Variants in GRIPAP1 observed in about 807,000 individuals in gnomAD.
The protein encoded by GRIPAP1 is GRIP1 associated protein 1, also known as GRIP1-associated protein 1.
A neutral mutation model predicts 84.1 loss-of-function variants in GRIPAP1; 14 were observed. That is an observed-to-expected ratio of 0.17 (90% CI 0.11 to 0.26). The LOEUF (loss-of-function observed/expected upper bound fraction) is 0.26, where lower values mean the gene tolerates loss of function less well. Among genes scored for constraint, GRIPAP1 ranks in the 10% least tolerant of loss-of-function variants. The probability of loss-of-function intolerance (pLI) is 1.00; values close to 1 mark genes in which losing one functional copy is unlikely to be tolerated. For synonymous variants in GRIPAP1, 261 were observed against 256.8 expected, an observed-to-expected ratio of 1.02 and a Z score of -0.15; for missense variants, 518 against 674.2, an observed-to-expected ratio of 0.77 and a Z score of 2.57.
intron 5 of GRIPAP1, among the ~76,000 whole-genome samples, chrX:48,996,936 C>A (rs2064550010): frequency 9.0e-6 from 1 of 111,442 alleles, no homozygotes; most frequent in African/African-American, 3.3e-5. Context: ...AGAACTCTGC[C>A]TAAAACCCCC....
At chrX:48,980,602 G>A (rs1369904617) in intron 21 of GRIPAP1, among the ~76,000 whole-genome samples, 1 of 110,486 alleles carries the variant, frequency 9.1e-6, no homozygotes, top group Non-Finnish European at 1.9e-5. Flanking sequence ...AAAGGGCGGG[G>A]GCCGGGCCCA....
At chrX:48,993,949 T>A (rs139182475) in intron 5 of GRIPAP1, among the ~76,000 whole-genome samples, 29 of 111,221 alleles carry the variant, frequency 2.6e-4, no homozygotes, top group African/African-American at 9.5e-4. Context: ...GGCTGGATCC[T>A]GGGCCCAGAG....
At position 48,985,255 on chromosome X, in the gene GRIPAP1, C is replaced by T. The variant is rs1557063418; in HGVS notation, c.1176+13G>A. The stretch of plus-strand genomic sequence containing the variant: ...GGAACTAGGAAGAGACAGGCCAGAG[C>T]CAAAGGTGTTACCTGGAGCTGGGAG... On this transcript the variant is annotated intron_variant, in intron 14 of 25. Transcript: ENST00000376423. 8.3e-7 allele frequency: 1 copy of T among 1,204,336 alleles called. No homozygotes were observed. The highest frequency in any genetic ancestry group is 1.8e-5 in the South Asian group (1 of 56,737).
chrX:48,986,137 A>G (rs1157651846), intron 13 of GRIPAP1, among the ~76,000 whole-genome samples: 1 of 104,539 alleles, frequency 9.6e-6, no homozygotes, highest in East Asian at 3.2e-4. Flanking sequence ...GCTATTTGGG[A>G]GGGCTGAGGC....
chrX:48,989,572 G>T, intron 11 of GRIPAP1, 39 bp downstream of exon 11: 2 of 903,847 alleles, frequency 2.2e-6, no homozygotes, highest in Non-Finnish European at 1.6e-6. Context: ...CCCAGTCCTG[G>T]CCCCTACCCC....
At chrX:48,998,113 G>A (rs2064557458) in intron 4 of GRIPAP1, 41 bp downstream of exon 4, 10 of 1,065,164 alleles carry the variant, frequency 9.4e-6, no homozygotes, top group Non-Finnish European at 1.3e-5. Context: ...AGCCCACCAA[G>A]ACATCTCCCA....
chrX:48,996,258 C>T (rs58495786), intron 5 of GRIPAP1, among the ~76,000 whole-genome samples: 2,766 of 111,771 alleles, frequency 0.025, 81 homozygotes, highest in African/African-American at 0.084. Context: ...AGGTTATTTT[C>T]GGTTTTGTTT....
At chrX:48,981,908 C>T (rs1261878323) in intron 17 of GRIPAP1, 36 bp from the exon 18 acceptor site, 6 of 994,167 alleles carry the variant, frequency 6.0e-6, no homozygotes, top group Non-Finnish European at 8.3e-6. Flanking sequence ...CACAGCCCCC[C>T]AGAAGGTATC....
In GRIPAP1 at chrX:48,981,234, A is replaced by G. The variant is rs782191144; in HGVS notation, c.1911T>C (p.Thr637=). ...KLQERLQDIL[T]NSKSRSGLEE... is the part of the protein sequence containing the mutation. ...CCTCACCTGAGCGGCTCTTGCTGTT[A>G]GTGAGGATGTCCTGCAGTCGCTCCT... The change falls in exon 21 of 26, where the codon ACT becomes ACC. Residue 637 remains threonine (T), a synonymous_variant. Coordinates refer to ENST00000376423, the MANE Select transcript of GRIPAP1 (RefSeq NM_020137.5). 7.5e-6 allele frequency: 9 copies of G among 1,206,574 alleles called. No homozygotes were observed. In the Admixed American group the frequency reaches 1.7e-4, roughly 23 times the overall value.
chrX:48,991,574 C>T (rs782706723), intron 6 of GRIPAP1, among the ~76,000 whole-genome samples: 56 of 112,662 alleles, frequency 5.0e-4, no homozygotes, highest in Non-Finnish European at 9.2e-4. Flanking sequence ...GGCACGGTGG[C>T]TCACGCCTGT....
chrX:48,995,222 C>A (rs2064541240), intron 5 of GRIPAP1, among the ~76,000 whole-genome samples: 1 of 112,076 alleles, frequency 8.9e-6, no homozygotes, highest in Admixed American at 9.5e-5. Context: ...TGTAGGAAGT[C>A]TCTACGACTA....
At chrX:48,999,191 G>A (rs782567483) in intron 3 of GRIPAP1, 47 bp downstream of exon 3, 4 of 998,619 alleles carry the variant, frequency 4.0e-6, no homozygotes, top group Non-Finnish European at 5.7e-6. Flanking sequence ...CAGATAGGTA[G>A]AAGCAAGGGT....
Position 48,989,688 on chromosome X carries a change from G to T in GRIPAP1, c.793C>A (p.Gln265Lys). 2 of 1,202,989 alleles carry T rather than the reference G, an allele frequency of 1.7e-6. No homozygotes were observed. Among genetic ancestry groups the T allele is most frequent in the Non-Finnish European group, 2.3e-6 (2 of 887,378 alleles). ...DSRNKIEELQQRKEADHKAQL... is the reference protein window; with the variant it reads ...DSRNKIEELQKRKEADHKAQL... Reference sequence around the variant, plus strand: ...GCTTTGTGATCAGCTTCCTTCCGTTGTTGTAATTCCTCAATCTTGTTCCTA... The same window carrying T: ...GCTTTGTGATCAGCTTCCTTCCGTTTTTGTAATTCCTCAATCTTGTTCCTA... The change falls in exon 11 of 26, where the codon CAA (glutamine) becomes AAA (lysine). Residue 265 changes from glutamine to lysine, a missense_variant. This residue lies in a region of GRIPAP1 where 372 missense variants were observed against 458.1 expected (regional missense o/e 0.81). Coordinates refer to ENST00000376423, the MANE Select transcript of GRIPAP1 (RefSeq NM_020137.5).
intron 14 of GRIPAP1, among the ~76,000 whole-genome samples, chrX:48,984,696 C>T (rs2064476631): frequency 1.3e-5 from 1 of 77,282 alleles, no homozygotes; most frequent in Non-Finnish European, 2.3e-5. Context: ...GCCTGGGCAA[C>T]AGAGTGAGAC....
At chrX:48,993,686 T>C (rs782050659) in intron 5 of GRIPAP1, 108 bp from the exon 6 acceptor site, 12 of 568,697 alleles carry the variant, frequency 2.1e-5, no homozygotes, top group Non-Finnish European at 2.5e-6. Context: ...ATTCCCATAA[T>C]GACCCTATGA....
rs144061036 is a variant in GRIPAP1 at position 48,987,857 on chromosome X, A to G, written c.969T>C (p.Asp323=). The G allele has an allele frequency of 1.7e-5, 20 of 1,197,751 alleles. No homozygotes were observed. The highest frequency in any genetic ancestry group is 2.3e-5 in the Non-Finnish European group (20 of 887,458). Residue 323 remains aspartate, a synonymous_variant, in exon 13 of 26, where the codon GAT becomes GAC. Transcript: ENST00000376423. ...AAAGCCCTTCCACTTGTTCCTGTGC[A>G]TCTGCACTCTGGATGGATACCTGGC... ...LQDQVSIQSA[D]AQEQVEGLLA...
intron 11 of GRIPAP1, chrX:48,988,541 C>T: frequency 4.4e-6 from 1 of 229,581 alleles, no homozygotes; most frequent in Non-Finnish European, 8.1e-6. Flanking sequence ...ACACAGTCAG[C>T]CCCATGGATC....
chrX:48,996,097 G>A (rs1165203595), intron 5 of GRIPAP1, among the ~76,000 whole-genome samples: 1 of 111,383 alleles, frequency 9.0e-6, no homozygotes, highest in Admixed American at 9.6e-5. Context: ...AAACATTTGG[G>A]AACCAAGAAC....
intron 22 of GRIPAP1, chrX:48,977,134 G>T (rs1557060701): frequency 9.1e-6 from 1 of 109,314 alleles, no homozygotes; most frequent in East Asian, 2.9e-4. Context: ...TTGAACTCCT[G>T]ACCTCAAGTG....
Sources: gnomAD v4.1 joint callset for allele counts (sites outside exome capture counted in the v4.1 genomes callset) on GRCh38, gnomAD v4.1.1 for gene constraint, gnomAD v4.1.1 regional missense constraint, MANE v1.5 for transcripts, NCBI Gene and HGNC (gene_info 2026-07-23, HGNC 2026-07-21) for gene names.